Variants in ZNF423 observed in about 807,000 individuals in gnomAD.
ZNF423 encodes Ebf-associated zinc finger protein.
Under a neutral mutation model 95.8 loss-of-function variants are expected in ZNF423, and 12 were observed. The observed-to-expected ratio is 0.13, with a 90% CI of 0.08 to 0.20. The LOEUF (loss-of-function observed/expected upper bound fraction) is 0.20, where lower values mean the gene tolerates loss of function less well. Ranked by LOEUF, ZNF423 falls within the 10% of genes least tolerant of loss-of-function variation. The pLI, the probability that ZNF423 is intolerant of heterozygous loss-of-function variation, is 1.00. For synonymous variants in ZNF423, 749 were observed against 711.9 expected, an observed-to-expected ratio of 1.05 and a Z score of -0.83; for missense variants, 1,316 against 1,737.1, an observed-to-expected ratio of 0.76 and a Z score of 4.31.
intron 7 of ZNF423, among the ~76,000 whole-genome samples, chr16:49,506,584 A>G (rs1313476777): frequency 2.4e-5 from 3 of 127,140 alleles, no homozygotes; most frequent in Non-Finnish European, 4.9e-5. Context: ...TGGGTGGATG[A>G]CAGATTGATG....
intron 5 of ZNF423, among the ~76,000 whole-genome samples, chr16:49,581,152 C>A (rs1471386284): frequency 7.0e-6 from 1 of 142,548 alleles, no homozygotes; most frequent in African/African-American, 2.5e-5. Flanking sequence ...GTTCCTCCAG[C>A]CCCACTGATG....
In ZNF423 at chr16:49,677,558, G is replaced by A. The variant is rs182283419; in HGVS notation, c.302-38684C>T. On this transcript the variant is annotated intron_variant, in intron 3 of 7. Transcript: ENST00000563137. Reference sequence around the variant, plus strand: ...ATAATCTCAGCACTTTGGGAGGCAGGAGGATTGCTTGAGCCCAGAACTTCA... The same window carrying A: ...ATAATCTCAGCACTTTGGGAGGCAGAAGGATTGCTTGAGCCCAGAACTTCA... 3.9e-3 allele frequency among the ~76,000 whole-genome samples: 587 copies of A among 152,142 alleles called. 8 individuals carry two copies. Among genetic ancestry groups the A allele is most frequent in the African/African-American group, 0.013 (542 of 41,524 alleles).
In ZNF423 at chr16:49,635,203, C is replaced by G. The variant is rs892654948; in HGVS notation, c.3516+457G>C. Among the ~76,000 whole-genome samples, 2 of 152,114 alleles carry G rather than the reference C, an allele frequency of 1.3e-5. No homozygotes were observed. Among genetic ancestry groups the G allele is most frequent in the Non-Finnish European group, 2.9e-5 (2 of 68,028 alleles). ...ATCTCTATGAACTGTCAAAAGAATC[C>G]TGGATCTAAGGCCCAGAGAAGTCAG... On this transcript the variant is annotated intron_variant, in intron 4 of 7. Coordinates refer to ENST00000563137, the MANE Select transcript of ZNF423 (RefSeq NM_001379286.1). This position sits in a 1 kb window ranked among gnomAD's most constrained non-coding sequence, Gnocchi z 4.8.
At position 49,830,736 on chromosome 16, in the gene ZNF423, A is replaced by G. The variant is rs767516443; in HGVS notation, c.40+24999T>C. Among the ~76,000 whole-genome samples the G allele has an allele frequency of 1.8e-4, 27 of 152,270 alleles. No homozygotes were observed. In the Middle Eastern group the frequency reaches 0.01, roughly 58 times the overall value. ...ACAAATCCGAGGGCACCAGCCAATGAGTTGAGCAGGACAGAGCATAAAGAC... is the reference window on the plus strand; with the variant it reads ...ACAAATCCGAGGGCACCAGCCAATGGGTTGAGCAGGACAGAGCATAAAGAC... On this transcript the variant is annotated intron_variant, in intron 1 of 7. Coordinates refer to ENST00000563137, the MANE Select transcript of ZNF423 (RefSeq NM_001379286.1).
At chr16:49,579,679 G>A (rs1320556140) in intron 5 of ZNF423, among the ~76,000 whole-genome samples, 5 of 152,186 alleles carry the variant, frequency 3.3e-5, no homozygotes, top group Non-Finnish European at 7.4e-5. Context: ...AGGGGCTGGG[G>A]AGGCAGGGAA....
chr16:49,494,683 C>T (rs1480950780), intron 7 of ZNF423, among the ~76,000 whole-genome samples: 1 of 152,192 alleles, frequency 6.6e-6, no homozygotes, highest in East Asian at 1.9e-4. Context: ...AGGCCAAGGG[C>T]AGTATCTCAA....
intron 1 of ZNF423, among the ~76,000 whole-genome samples, chr16:49,841,474 T>C (rs2035181916): frequency 1.3e-5 from 2 of 152,168 alleles, no homozygotes; most frequent in African/African-American, 4.8e-5. Context: ...CAGGATTCCA[T>C]GAGGTACTGC....
chr16:49,630,447 C>T (rs567219519), intron 4 of ZNF423, among the ~76,000 whole-genome samples: 1 of 152,254 alleles, frequency 6.6e-6, no homozygotes, highest in Admixed American at 6.5e-5. Context: ...TGAAGCACAT[C>T]CCAGGAAGGG....
At chr16:49,547,975 G>A (rs7199457) in intron 5 of ZNF423, among the ~76,000 whole-genome samples, 5,606 of 152,180 alleles carry the variant, frequency 0.037, 369 homozygotes, top group African/African-American at 0.13. Context: ...TCAAATTTAA[G>A]GCAGAAATGA....
At chr16:49,714,810 C>T (rs2032654718) in intron 3 of ZNF423, among the ~76,000 whole-genome samples, 1 of 151,958 alleles carries the variant, frequency 6.6e-6, no homozygotes. Flanking sequence ...TATGAACTGC[C>T]CCCTCCACTG....
At chr16:49,740,019 C>T (rs1260263509) in intron 2 of ZNF423, among the ~76,000 whole-genome samples, 3 of 152,116 alleles carry the variant, frequency 2.0e-5, no homozygotes, top group Admixed American at 2.0e-4. Context: ...CCAACGCACT[C>T]GGCTAGACCC....
chr16:49,792,718 G>A (rs2034435803), intron 1 of ZNF423, among the ~76,000 whole-genome samples: 1 of 152,156 alleles, frequency 6.6e-6, no homozygotes. Context: ...GTGAATATGG[G>A]CTAGAGGATT....
At chr16:49,584,157 G>C (rs1270985277) in intron 5 of ZNF423, among the ~76,000 whole-genome samples, 1 of 152,188 alleles carries the variant, frequency 6.6e-6, no homozygotes, top group East Asian at 1.9e-4. Flanking sequence ...ATGAAAATGA[G>C]AGTTATAGCT....
intron 7 of ZNF423, among the ~76,000 whole-genome samples, chr16:49,509,039 T>A (rs1967771219): frequency 6.6e-6 from 1 of 152,222 alleles, no homozygotes; most frequent in African/African-American, 2.4e-5. Flanking sequence ...GCTCCTACCA[T>A]GTGTCAGAAA....
At chr16:49,761,052 GCACA>G (rs35910612) in intron 2 of ZNF423, among the ~76,000 whole-genome samples, 1 of 150,726 alleles carries the variant, frequency 6.6e-6, no homozygotes, top group Non-Finnish European at 1.5e-5. Flanking sequence ...ACACATACAT[GCACA>G]CACACACACA....
At chr16:49,769,195 A>C (rs1168577299) in intron 2 of ZNF423, among the ~76,000 whole-genome samples, 1 of 152,026 alleles carries the variant, frequency 6.6e-6, no homozygotes, top group Non-Finnish European at 1.5e-5. Context: ...ATCTCTACTA[A>C]AAATAAAAAA....
At chr16:49,569,464 G>T (rs2151784143) in intron 5 of ZNF423, among the ~76,000 whole-genome samples, 1 of 152,282 alleles carries the variant, frequency 6.6e-6, no homozygotes, top group Non-Finnish European at 1.5e-5. Flanking sequence ...AGCCGTTTTG[G>T]GGTCCCATAG....
chr16:49,685,140 G>C (rs746277827), intron 3 of ZNF423, among the ~76,000 whole-genome samples: 3 of 152,122 alleles, frequency 2.0e-5, no homozygotes, highest in Non-Finnish European at 4.4e-5. Flanking sequence ...TCAAGCTCAG[G>C]GCCTCCCTCT....
intron 3 of ZNF423, among the ~76,000 whole-genome samples, chr16:49,647,026 T>G (rs1973201759): frequency 6.6e-6 from 1 of 152,218 alleles, no homozygotes; most frequent in South Asian, 2.1e-4. Flanking sequence ...CGCACAGACA[T>G]TGCAAGTGGC....
Sources: gnomAD v4.1 joint callset for allele counts (sites outside exome capture counted in the v4.1 genomes callset) on GRCh38, gnomAD v4.1.1 for gene constraint, Gnocchi (gnomAD v3.1) non-coding constraint, MANE v1.5 for transcripts, NCBI Gene and HGNC (gene_info 2026-07-23, HGNC 2026-07-21) for gene names.